The following KDM2B variants were observed in gnomAD, a reference collection of about 807,000 sequenced individuals.
The protein encoded by KDM2B is lysine-specific demethylase 2B.
Under a neutral mutation model 150.0 loss-of-function variants are expected in KDM2B, and 26 were observed. The ratio of observed to expected loss-of-function variants is 0.17; its 90% CI spans 0.13 to 0.24. The LOEUF (loss-of-function observed/expected upper bound fraction) is 0.24. KDM2B is among the 10% of genes least tolerant of loss of function. The pLI, the probability that KDM2B is intolerant of heterozygous loss-of-function variation, is 1.00. For synonymous variants in KDM2B, 734 were observed against 729.5 expected, an observed-to-expected ratio of 1.01 and a Z score of -0.10; for missense variants, 1,265 against 1,816.9, an observed-to-expected ratio of 0.70 and a Z score of 5.52.
chr12:121,491,291 C>T (rs1555299860), intron 12 of KDM2B, among the ~76,000 whole-genome samples: 2 of 152,132 alleles, frequency 1.3e-5, no homozygotes, highest in South Asian at 4.1e-4. Flanking sequence ...GCGATAACAC[C>T]CTCCATCTCC....
At chr12:121,489,165 G>C (rs1883086332) in intron 12 of KDM2B, among the ~76,000 whole-genome samples, 1 of 152,080 alleles carries the variant, frequency 6.6e-6, no homozygotes, top group Admixed American at 6.5e-5. Flanking sequence ...GGCTGGTCTT[G>C]AACTCCTGAC....
At position 121,471,991 on chromosome 12, in the gene KDM2B, C is replaced by T. The variant is rs781991062; in HGVS notation, c.1735-18647G>A. ...ACAAAAAATTAGCCGGGCATGGTGA[C>T]GCGTGCCTATAATCCCAGCTACTCG... On this transcript the variant is annotated intron_variant, in intron 12 of 22. Transcript: ENST00000377071. Among the ~76,000 whole-genome samples the T allele has an allele frequency of 9.4e-4, 143 of 152,198 alleles. 1 individual carries two copies. The highest frequency in any genetic ancestry group is 1.9e-3 in the Admixed American group (29 of 15,282).
At chr12:121,563,029 T>TA (rs2136285957) in intron 4 of KDM2B, among the ~76,000 whole-genome samples, 1 of 152,182 alleles carries the variant, frequency 6.6e-6, no homozygotes, top group South Asian at 2.1e-4. Context: ...AAAGACATAA[T>TA]ATGTGGGCCC....
chr12:121,444,348 C>G (rs781904669), intron 15 of KDM2B, 76 bp from the exon 16 acceptor site: 29 of 1,605,868 alleles, frequency 1.8e-5, no homozygotes, highest in Non-Finnish European at 2.5e-5. Context: ...CCCAGGCCGA[C>G]GGCAACCCAC....
chr12:121,457,433 T>C (rs1350932733), intron 12 of KDM2B, among the ~76,000 whole-genome samples: 1 of 152,010 alleles, frequency 6.6e-6, no homozygotes, highest in Non-Finnish European at 1.5e-5. Context: ...AGCTAAGTTT[T>C]ATATTTTTAG....
chr12:121,428,306 T>C (rs190062636), downstream of KDM2B, among the ~76,000 whole-genome samples: 92 of 152,200 alleles, frequency 6.0e-4, no homozygotes, highest in African/African-American at 2.1e-3. Context: ...GATTCTCCTG[T>C]CTCAGCCTCC....
At chr12:121,494,744 C>A in intron 11 of KDM2B, 79 bp from the exon 12 acceptor site, 1 of 1,061,344 alleles carries the variant, frequency 9.4e-7, no homozygotes, top group East Asian at 2.7e-5. Context: ...AGACATAGTC[C>A]AGCAAGGATC....
chr12:121,571,338 G>A (rs1293572586), intron 4 of KDM2B, among the ~76,000 whole-genome samples: 1 of 152,196 alleles, frequency 6.6e-6, no homozygotes, highest in Non-Finnish European at 1.5e-5. Context: ...ACCCAGGCTG[G>A]AGTGCAGTGG....
chr12:121,478,526 A>T (rs572227141), intron 12 of KDM2B, among the ~76,000 whole-genome samples: 2 of 151,076 alleles, frequency 1.3e-5, no homozygotes, highest in Non-Finnish European at 2.9e-5. Flanking sequence ...CGCCCAGATA[A>T]TTTTTTGTAT....
At chr12:121,559,697 T>C (rs1232785494) in intron 4 of KDM2B, among the ~76,000 whole-genome samples, 1 of 151,826 alleles carries the variant, frequency 6.6e-6, no homozygotes, top group Non-Finnish European at 1.5e-5. Context: ...GGTCGGGAGT[T>C]CGAGACCAGC....
At position 121,431,295 on chromosome 12, in the gene KDM2B, CTT is replaced by C. The variant is rs71453557; in HGVS notation, c.3830-828_3830-827del. The stretch of plus-strand genomic sequence containing the variant: ...TATAGGCGTGTGCCACCATGTGCAA[CTT>C]TTTTTTTTTTTTTTTTTTTTTTTTT... On this transcript the variant is annotated intron_variant, in intron 22 of 22. Coordinates refer to ENST00000377071, the MANE Select transcript of KDM2B (RefSeq NM_032590.5). 3.7e-3 allele frequency among the ~76,000 whole-genome samples: 363 copies of C among 98,906 alleles called. 1 individual carries two copies. The highest frequency in any genetic ancestry group is 0.015 in the African/African-American group (326 of 21,650). The allele number at this position is 98,906 out of a possible 152,430, so 64.9% of individuals were successfully genotyped here. A position where few individuals can be genotyped will look rare whatever the true frequency, so the allele number is the denominator to read the frequency against.
intron 10 of KDM2B, among the ~76,000 whole-genome samples, chr12:121,510,952 G>T (rs1028352794): frequency 1.3e-5 from 2 of 151,826 alleles, no homozygotes; most frequent in Non-Finnish European, 2.9e-5. Flanking sequence ...TGGGGAAAGG[G>T]CAGGGTAGGG....
intron 4 of KDM2B, among the ~76,000 whole-genome samples, chr12:121,573,174 G>C (rs1891243983): frequency 1.4e-5 from 2 of 147,512 alleles, no homozygotes; most frequent in South Asian, 4.3e-4. Context: ...GCCCAGGCTG[G>C]TCTCAAACTC....
chr12:121,559,677 G>A (rs1197687205), intron 4 of KDM2B, among the ~76,000 whole-genome samples: 2 of 151,942 alleles, frequency 1.3e-5, no homozygotes, highest in Non-Finnish European at 2.9e-5. Context: ...GAGGCAGGAG[G>A]ATCACCTGAG....
chr12:121,445,128 C>G, intron 14 of KDM2B, 147 bp downstream of exon 14: 1 of 917,892 alleles, frequency 1.1e-6, no homozygotes. Context: ...TTGCCCCGGG[C>G]TTATCCCTTG....
At chr12:121,450,213 C>T (rs149883807) in intron 13 of KDM2B, among the ~76,000 whole-genome samples, 5,070 of 151,310 alleles carry the variant, frequency 0.034, 271 homozygotes, top group African/African-American at 0.11. Context: ...ACTTGGGAGG[C>T]TGAGGTAGGA....
intron 13 of KDM2B, among the ~76,000 whole-genome samples, chr12:121,447,625 G>A (rs116076889): frequency 0.032 from 4,807 of 151,648 alleles, 261 homozygotes; most frequent in African/African-American, 0.11. Flanking sequence ...TTTTTCTTTT[G>A]GAAAATGTAA....
chr12:121,554,033 C>CCACACAAACACACACACA (rs1491387029), intron 4 of KDM2B, among the ~76,000 whole-genome samples: 1 of 122,064 alleles, frequency 8.2e-6, no homozygotes, highest in Non-Finnish European at 1.7e-5. Flanking sequence ...CACCCCAGCT[C>CCACACAAACACACACACA]CACACACACA....
At chr12:121,576,224 C>T (rs564933972) in intron 2 of KDM2B, among the ~76,000 whole-genome samples, 92 of 152,234 alleles carry the variant, frequency 6.0e-4, no homozygotes, top group African/African-American at 5.8e-4. Context: ...GACAGAGACA[C>T]GCATCCCAAG....
Sources: allele counts gnomAD v4.1 joint callset (sites outside exome capture counted in the v4.1 genomes callset), GRCh38; gene constraint gnomAD v4.1.1; transcripts MANE v1.5; gene names NCBI Gene and HGNC (gene_info 2026-07-23, HGNC 2026-07-21).